The following PTPRD variants were observed in gnomAD, a reference collection of about 807,000 sequenced individuals.
PTPRD encodes receptor-type tyrosine-protein phosphatase delta.
A neutral mutation model predicts 214.5 loss-of-function variants in PTPRD; 34 were observed. That is an observed-to-expected ratio of 0.16 (90% CI 0.12 to 0.21). The LOEUF is 0.21. Ranked by LOEUF, PTPRD falls within the 10% of genes least tolerant of loss-of-function variation. The pLI is 1.00. For missense variants in PTPRD, 2,545 were observed against 2,398.7 expected, an observed-to-expected ratio of 1.06 and a Z score of -1.27; for synonymous variants, 1,128 against 845.7, an observed-to-expected ratio of 1.33 and a Z score of -5.79.
chr9:10,512,161 G>C (rs1002426548), intron 2 of PTPRD, among the ~76,000 whole-genome samples: 9 of 122,146 alleles, frequency 7.4e-5, no homozygotes, highest in Middle Eastern at 8.5e-3. Flanking sequence ...AAGAAGATAG[G>C]CTGTTAGATG....
chr9:10,392,451 C>A (rs761218092), intron 2 of PTPRD, among the ~76,000 whole-genome samples: 120 of 152,014 alleles, frequency 7.9e-4, no homozygotes, highest in Admixed American at 1.8e-3. Flanking sequence ...AAAAACTCTA[C>A]TGCATGAAAT....
intron 5 of PTPRD, among the ~76,000 whole-genome samples, chr9:9,922,475 T>C (rs912203105): frequency 7.9e-5 from 12 of 152,012 alleles, no homozygotes; most frequent in Admixed American, 5.9e-4. Flanking sequence ...GAAATATGAA[T>C]GAAGAGCCAC....
chr9:10,548,998 A>G (rs1298227903), intron 2 of PTPRD, among the ~76,000 whole-genome samples: 1 of 152,206 alleles, frequency 6.6e-6, no homozygotes, highest in Admixed American at 6.6e-5. Context: ...CATTTTCCAC[A>G]AGCAACTTCA....
chr9:10,018,347 G>C (rs1567123592), intron 4 of PTPRD, among the ~76,000 whole-genome samples: 3 of 151,968 alleles, frequency 2.0e-5, no homozygotes, highest in Admixed American at 6.6e-5. Flanking sequence ...GTCAGATACA[G>C]GCAGACTTTC....
intron 14 of PTPRD, among the ~76,000 whole-genome samples, chr9:8,566,151 T>TGTGTGTGTGTGTGTG (rs1554807105): frequency 6.8e-6 from 1 of 147,328 alleles, no homozygotes; most frequent in Non-Finnish European, 1.5e-5. Flanking sequence ...TATAGCAAGT[T>TGTGTGTGTGTGTGTG]TCATTTATAG....
intron 10 of PTPRD, among the ~76,000 whole-genome samples, chr9:9,095,168 C>T (rs192860489): frequency 1.1e-4 from 16 of 152,144 alleles, no homozygotes; most frequent in South Asian, 6.2e-4. Flanking sequence ...TGTTTAAAAA[C>T]GGAAGATTTT....
Position 9,394,898 on chromosome 9 carries a change from C to A in PTPRD, c.-203+2551G>T, listed in dbSNP as rs574087899. On this transcript the variant is annotated intron_variant, in intron 9 of 45. Transcript: ENST00000381196. The stretch of plus-strand genomic sequence containing the variant: ...CCATGCTCTATATTTGTAACAATTG[C>A]ACCAAAGATCATGTTTGCATAGTCA... 1.6e-4 allele frequency among the ~76,000 whole-genome samples: 25 copies of A among 152,148 alleles called. No individual in the cohort carries two copies. In the East Asian group the frequency reaches 3.7e-3, roughly 22 times the overall value.
intron 2 of PTPRD, among the ~76,000 whole-genome samples, chr9:10,359,611 G>A (rs954298029): frequency 1.3e-5 from 2 of 152,022 alleles, no homozygotes; most frequent in African/African-American, 4.8e-5. Context: ...GTATTAACTG[G>A]CAGTGTAATG....
At chr9:8,983,334 G>GA (rs1310029676) in intron 11 of PTPRD, among the ~76,000 whole-genome samples, 2 of 151,798 alleles carry the variant, frequency 1.3e-5, no homozygotes, top group Admixed American at 6.6e-5. Flanking sequence ...AATAAGTAGG[G>GA]AAAAAAACCT....
At position 10,076,515 on chromosome 9, in the gene PTPRD, T is replaced by C. The variant is rs78044066; in HGVS notation, c.-544-42725A>G. Among the ~76,000 whole-genome samples the C allele has an allele frequency of 9.5e-4, 145 of 152,224 alleles. 3 individuals carry two copies. The East Asian group carries it at 0.021, about 22-fold the overall frequency. On this transcript the variant is annotated intron_variant, in intron 3 of 45. Transcript: ENST00000381196. The stretch of plus-strand genomic sequence containing the variant: ...ATATAGACCCTGAAGGTCCATATGA[T>C]AAAACTCTATAAAAACATGCAGTAA...
intron 2 of PTPRD, among the ~76,000 whole-genome samples, chr9:10,367,333 A>C (rs1238345758): frequency 2.6e-5 from 4 of 152,110 alleles, no homozygotes; most frequent in Non-Finnish European, 5.9e-5. Flanking sequence ...TTAAGAGCTC[A>C]AGTCATCTTG....
intron 37 of PTPRD, among the ~76,000 whole-genome samples, chr9:8,384,559 C>T (rs1316564850): frequency 6.6e-6 from 1 of 152,150 alleles, no homozygotes; most frequent in Non-Finnish European, 1.5e-5. Flanking sequence ...TGGAGTTTCA[C>T]TCTTGTTGCC....
At chr9:9,365,122 G>C (rs2057492649) in intron 9 of PTPRD, among the ~76,000 whole-genome samples, 1 of 151,400 alleles carries the variant, frequency 6.6e-6, no homozygotes, top group Admixed American at 6.6e-5. Flanking sequence ...CTGGGGCTCA[G>C]ACAGAGGTTA....
intron 11 of PTPRD, among the ~76,000 whole-genome samples, chr9:8,849,784 G>C (rs952418676): frequency 2.0e-5 from 3 of 152,166 alleles, no homozygotes; most frequent in Non-Finnish European, 4.4e-5. Context: ...CATGCAATTT[G>C]GGAGCAGACT....
chr9:9,855,124 A>T (rs1042597641), intron 5 of PTPRD, among the ~76,000 whole-genome samples: 1 of 152,200 alleles, frequency 6.6e-6, no homozygotes, highest in African/African-American at 2.4e-5. Flanking sequence ...TACTGTCATC[A>T]TTCAGTGTTG....
At chr9:9,245,138 C>T (rs577933507) in intron 9 of PTPRD, among the ~76,000 whole-genome samples, 1 of 152,234 alleles carries the variant, frequency 6.6e-6, no homozygotes, top group East Asian at 1.9e-4. Flanking sequence ...CAGGTAACAA[C>T]AGGTGCTGGA....
At chr9:9,147,542 T>C (rs965266151) in intron 10 of PTPRD, among the ~76,000 whole-genome samples, 5 of 152,130 alleles carry the variant, frequency 3.3e-5, no homozygotes, top group African/African-American at 1.2e-4. Context: ...AAATAATATG[T>C]TGTATCATGT....
intron 14 of PTPRD, among the ~76,000 whole-genome samples, chr9:8,625,599 A>C (rs993690123): frequency 4.0e-5 from 6 of 151,764 alleles, no homozygotes; most frequent in African/African-American, 1.4e-4. Context: ...ACCTGAATAC[A>C]GACATCATCA....
chr9:8,498,113 C>T (rs2097315641), intron 25 of PTPRD, among the ~76,000 whole-genome samples: 2 of 152,136 alleles, frequency 1.3e-5, no homozygotes, highest in East Asian at 3.9e-4. Context: ...CAGAAGTGGC[C>T]TCGGGGTAGA....
Sources: gnomAD v4.1 joint callset for allele counts (sites outside exome capture counted in the v4.1 genomes callset) on GRCh38, gnomAD v4.1.1 for gene constraint, MANE v1.5 for transcripts, NCBI Gene and HGNC (gene_info 2026-07-23, HGNC 2026-07-21) for gene names.